Variants in ENTREP2 observed in about 807,000 individuals in gnomAD.
ENTREP2 encodes endosomal transmembrane epsin interactor 2, also known as protein ENTREP2.
At chr15:29,592,860 C>T in the ENTREP2 span, among the ~76,000 whole-genome samples, 1 of 152,174 alleles carries the variant, frequency 6.6e-6, no homozygotes, top group African/African-American at 2.4e-5. Flanking sequence ...TTCTCTCTTG[C>T]TTCCTCTCTT....
the ENTREP2 span, among the ~76,000 whole-genome samples, chr15:29,587,825 A>AT: frequency 6.6e-6 from 1 of 151,964 alleles, no homozygotes; most frequent in Admixed American, 6.6e-5. Context: ...TGCCTGGTTA[A>AT]TTTTTGTATT....
At chr15:29,620,689 A>G in the ENTREP2 span, among the ~76,000 whole-genome samples, 1 of 152,070 alleles carries the variant, frequency 6.6e-6, no homozygotes, top group South Asian at 2.1e-4. Flanking sequence ...GCTCTTTTCC[A>G]CACTGACTGA....
chr15:29,542,583 C>T, the ENTREP2 span, among the ~76,000 whole-genome samples: 4 of 152,180 alleles, frequency 2.6e-5, no homozygotes, highest in African/African-American at 4.8e-5. Context: ...GGATTACAGG[C>T]GTGAGCCACG....
chr15:29,353,941 C>T, the ENTREP2 span, among the ~76,000 whole-genome samples: 1 of 152,158 alleles, frequency 6.6e-6, no homozygotes. Flanking sequence ...TTCTGTGATG[C>T]TTAATTTTAC....
the ENTREP2 span, among the ~76,000 whole-genome samples, chr15:29,189,775 T>G: frequency 6.6e-6 from 1 of 152,190 alleles, no homozygotes. Flanking sequence ...CAAAAATATG[T>G]CACAGTCTTG....
chr15:29,471,514 C>T, the ENTREP2 span, among the ~76,000 whole-genome samples: 1 of 152,152 alleles, frequency 6.6e-6, no homozygotes, highest in African/African-American at 2.4e-5. Context: ...AGAGGCAGAA[C>T]AGCGGCTACA....
chr15:29,508,620 T>G, the ENTREP2 span, among the ~76,000 whole-genome samples: 1 of 151,704 alleles, frequency 6.6e-6, no homozygotes. Context: ...ATGTAATGTA[T>G]CACAAATAAA....
chr15:29,579,520 CTTTT>C, the ENTREP2 span, among the ~76,000 whole-genome samples: 5 of 111,486 alleles, frequency 4.5e-5, no homozygotes, highest in Admixed American at 9.7e-5. Context: ...TGGTTTCTTT[CTTTT>C]TTTTTTTTTT....
the ENTREP2 span, among the ~76,000 whole-genome samples, chr15:29,643,286 C>T: frequency 6.6e-6 from 1 of 152,080 alleles, no homozygotes; most frequent in Non-Finnish European, 1.5e-5. Context: ...ACAATAAAAA[C>T]ACAAATAACA....
chr15:29,224,679 A>G, the ENTREP2 span, among the ~76,000 whole-genome samples: 3,123 of 152,282 alleles, frequency 0.021, 124 homozygotes, highest in African/African-American at 0.071. Flanking sequence ...TCCCTTAGCT[A>G]GACATAAAGG....
chr15:29,361,764 G>A, the ENTREP2 span, among the ~76,000 whole-genome samples: 1 of 152,134 alleles, frequency 6.6e-6, no homozygotes, highest in Non-Finnish European at 1.5e-5. Context: ...AGGAACTGCT[G>A]ACCAGGCAGG....
chr15:29,356,343 G>T, the ENTREP2 span, among the ~76,000 whole-genome samples: 2 of 112,294 alleles, frequency 1.8e-5, no homozygotes, highest in African/African-American at 6.9e-5. Flanking sequence ...GTCTCGCTCT[G>T]TCGCCCAGGC....
chr15:29,328,346 G>A, the ENTREP2 span, among the ~76,000 whole-genome samples: 2 of 152,176 alleles, frequency 1.3e-5, no homozygotes, highest in African/African-American at 4.8e-5. Flanking sequence ...ATATGTAATT[G>A]TGGATACATG....
chr15:29,435,459 G>A, the ENTREP2 span, among the ~76,000 whole-genome samples: 11 of 151,976 alleles, frequency 7.2e-5, no homozygotes, highest in Admixed American at 7.2e-4. Context: ...TGATGCTTGG[G>A]GCAAATTTTC....
chr15:29,617,906 ATCTTGATT>A, the ENTREP2 span, among the ~76,000 whole-genome samples: 1 of 152,198 alleles, frequency 6.6e-6, no homozygotes, highest in Non-Finnish European at 1.5e-5. Flanking sequence ...GCAGCCTGGC[ATCTTGATT>A]TCCACAGCCC....
chr15:29,617,426 T>C, the ENTREP2 span, among the ~76,000 whole-genome samples: 1 of 152,192 alleles, frequency 6.6e-6, no homozygotes, highest in Non-Finnish European at 1.5e-5. Flanking sequence ...ACTTAGTCAA[T>C]GGATTCAAAT....
At chr15:29,273,326 G>C in the ENTREP2 span, among the ~76,000 whole-genome samples, 1 of 151,242 alleles carries the variant, frequency 6.6e-6, no homozygotes, top group Non-Finnish European at 1.5e-5. Flanking sequence ...AGCCTCCCGA[G>C]TAGCTAGGAT....
chr15:29,574,881 T>A, the ENTREP2 span, among the ~76,000 whole-genome samples: 1 of 152,174 alleles, frequency 6.6e-6, no homozygotes, highest in African/African-American at 2.4e-5. Flanking sequence ...CTTCTAGGAA[T>A]GTCAGACCAG....
chr15:29,317,891 C>G, the ENTREP2 span, among the ~76,000 whole-genome samples: 1 of 152,138 alleles, frequency 6.6e-6, no homozygotes, highest in Admixed American at 6.5e-5. Flanking sequence ...GATGAACAGA[C>G]TAGCGCCCAC....
Sources: allele counts gnomAD v4.1 joint callset (sites outside exome capture counted in the v4.1 genomes callset), GRCh38; gene constraint gnomAD v4.1.1; transcripts MANE v1.5; gene names NCBI Gene and HGNC (gene_info 2026-07-23, HGNC 2026-07-21).